KPNA5: variants seen among roughly 807,000 people sequenced by gnomAD.
KPNA5 encodes importin subunit alpha-6.
In KPNA5, 46 loss-of-function variants were observed where a neutral mutation model predicts 71.3. The ratio of observed to expected loss-of-function variants is 0.65; its 90% CI spans 0.51 to 0.83. KPNA5 has a LOEUF of 0.83. Ranked by LOEUF, KPNA5 falls within the 40% of genes least tolerant of loss-of-function variation. KPNA5 has a pLI of 0.00. For missense variants in KPNA5, 547 were observed against 628.3 expected (o/e 0.87, Z 1.38); for synonymous variants, 207 against 201.4 (o/e 1.03, Z -0.24).
chr6:116,732,074 T>TTTTTTATATATATA (rs1463339776), intron 13 of KPNA5, 62 bp from the exon 14 acceptor site: 3 of 66,302 alleles, frequency 4.5e-5, no homozygotes, highest in Non-Finnish European at 9.5e-5. Context: ...AACAGTTTGT[T>TTTTTTATATATATA]TATATATATA....
chr6:116,686,748 A>C (rs1777604525), intron 1 of KPNA5, among the ~76,000 whole-genome samples: 1 of 152,182 alleles, frequency 6.6e-6, no homozygotes, highest in Non-Finnish European at 1.5e-5. Flanking sequence ...AATCTTCTGC[A>C]TGTAGCTAGC....
Position 116,740,305 on chromosome 6 carries a change from C to T in KPNA5, c.*7982C>T, listed in dbSNP as rs1779824890. 1.3e-5 allele frequency: 2 copies of T among 152,180 alleles called. No individual in the cohort carries two copies. Among genetic ancestry groups the T allele is most frequent in the African/African-American group, 2.4e-5 (1 of 41,458 alleles). The allele number at this position is 152,180 out of a possible 1,614,324, so 9.4% of individuals were successfully genotyped here. A position where few individuals can be genotyped will look rare whatever the true frequency, so the allele number is the denominator to read the frequency against. On this transcript the variant is annotated 3_prime_UTR_variant, in exon 14 of 14. Transcript: ENST00000368564. ...AAAACCACAATGAGATACCATCTCA[C>T]ACCAGTCAGAATGGCAATCATTAAA...
chr6:116,692,148 A>G lies in KPNA5; in HGVS notation c.232A>G (p.Ile78Val). 1 of 1,598,142 alleles carries G rather than the reference A, an allele frequency of 6.3e-7. No homozygotes were observed. Among genetic ancestry groups the G allele is most frequent in the Non-Finnish European group, 8.6e-7 (1 of 1,167,512 alleles). The change falls in exon 3 of 14, where the codon ATT becomes GTT. Residue 78 changes from isoleucine (I) to valine (V), a missense_variant. Coordinates refer to ENST00000368564, the MANE Select transcript of KPNA5 (RefSeq NM_001366306.2). ...QDPDISSTVP[I>V]PEEEVVTTDM... is the part of the protein sequence containing the mutation. Reference sequence around the variant, plus strand: ...TCCAGATATTAGTTCCACTGTACCCATTCCAGAGGTATACTTTACCAAAAT... The same window carrying G: ...TCCAGATATTAGTTCCACTGTACCCGTTCCAGAGGTATACTTTACCAAAAT...
chr6:116,701,304 T>C (rs1281023148), intron 5 of KPNA5, among the ~76,000 whole-genome samples: 2 of 152,224 alleles, frequency 1.3e-5, no homozygotes, highest in African/African-American at 4.8e-5. Flanking sequence ...ATTCACTGCT[T>C]AGTTTGCCTG....
At chr6:116,726,864 G>A (rs933422799) in intron 12 of KPNA5, among the ~76,000 whole-genome samples, 5 of 151,754 alleles carry the variant, frequency 3.3e-5, no homozygotes, top group African/African-American at 1.2e-4. Context: ...AAATCCAAAC[G>A]GGAACGGTCT....
At chr6:116,704,955 GT>G (rs369745097) in intron 6 of KPNA5, 116 bp from the exon 7 acceptor site, 214 of 616,036 alleles carry the variant, frequency 3.5e-4, no homozygotes, top group East Asian at 5.3e-4. Flanking sequence ...CTTTTCTACT[GT>G]TTTTTTTTAA....
At position 116,703,299 on chromosome 6, in the gene KPNA5, G is replaced by A. The variant is rs182398127; in HGVS notation, c.567+1149G>A. Among the ~76,000 whole-genome samples the A allele has an allele frequency of 6.1e-5, 9 of 147,314 alleles. No individual in the cohort carries two copies. The South Asian group carries it at 8.5e-4, about 14-fold the overall frequency. Reference sequence around the variant, plus strand: ...TTTTTTGAGATGAAGTCTTGCTCTCGTCCCCCACGCTGGAATGCAATGGCG... The same window carrying A: ...TTTTTTGAGATGAAGTCTTGCTCTCATCCCCCACGCTGGAATGCAATGGCG... On this transcript the variant is annotated intron_variant, in intron 6 of 13. Transcript: ENST00000368564.
intron 5 of KPNA5, 29 bp downstream of exon 5, chr6:116,698,827 T>A: frequency 7.6e-7 from 1 of 1,313,334 alleles, no homozygotes; most frequent in South Asian, 1.4e-5. Flanking sequence ...TTCTTAATTT[T>A]TCTCTAGAAA....
chr6:116,732,921 CAG>C lies in KPNA5; in HGVS notation c.*600_*601del, dbSNP rs1278503635. ...AAACCTATAAAATTTATTTATAAAA[CAG>C]AAGAAATATTATACTGATAATCCAT... On this transcript the variant is annotated 3_prime_UTR_variant, in exon 14 of 14. Transcript: ENST00000368564. 5.3e-5 allele frequency: 8 copies of C among 151,688 alleles called. No individual in the cohort carries two copies. The highest frequency in any genetic ancestry group is 9.7e-5 in the African/African-American group (4 of 41,360). 9.4% of individuals were successfully genotyped at this position (151,688 alleles called of 1,614,324 possible). A position where few individuals can be genotyped will look rare whatever the true frequency, so the allele number is the denominator to read the frequency against.
In KPNA5 at chr6:116,739,508, C is replaced by T. The variant is rs1316735686; in HGVS notation, c.*7185C>T. 2.0e-5 allele frequency: 3 copies of T among 152,134 alleles called. No individual in the cohort carries two copies. The highest frequency in any genetic ancestry group is 7.2e-5 in the African/African-American group (3 of 41,434). The allele number at this position is 152,134 out of a possible 1,614,324, so 9.4% of individuals were successfully genotyped here. ...AATTGCAAAAAACTACTTTAAAGTTCATATGGAACCAAAAAAGAGCCCGCA... is the reference window on the plus strand; with the variant it reads ...AATTGCAAAAAACTACTTTAAAGTTTATATGGAACCAAAAAAGAGCCCGCA... On this transcript the variant is annotated 3_prime_UTR_variant, in exon 14 of 14. Transcript: ENST00000368564.
chr6:116,706,236 G>C (rs574777889), intron 7 of KPNA5, among the ~76,000 whole-genome samples: 67 of 152,210 alleles, frequency 4.4e-4, no homozygotes, highest in African/African-American at 1.4e-3. Flanking sequence ...TTTATTATTT[G>C]TTAATATCTC....
rs544668476 is a variant in KPNA5, at chr6:116,714,511, C to T, written c.657-1708C>T. On this transcript the variant is annotated intron_variant, in intron 7 of 13. Transcript: ENST00000368564. ...CCTAAAGGAAAACTAGAAGTAAAAG[C>T]GTAGGTCTCTTCATGTTTTTTCTGA... is the stretch of plus-strand genomic sequence containing the variant. Among the ~76,000 whole-genome samples, 180 of 152,214 alleles carry T rather than the reference C, an allele frequency of 1.2e-3. 1 individual carries two copies. Among genetic ancestry groups the T allele is most frequent in the African/African-American group, 4.1e-3 (171 of 41,542 alleles).
At chr6:116,702,261 C>A in intron 6 of KPNA5, 111 bp downstream of exon 6, 1 of 1,097,954 alleles carries the variant, frequency 9.1e-7, no homozygotes, top group Non-Finnish European at 1.3e-6. Flanking sequence ...CTGTATATTG[C>A]ATTAAATTGT....
intron 8 of KPNA5, among the ~76,000 whole-genome samples, chr6:116,720,538 T>C (rs768220210): frequency 2.6e-5 from 4 of 152,196 alleles, no homozygotes; most frequent in Non-Finnish European, 4.4e-5. Flanking sequence ...TTTTTAAACA[T>C]ACTTTATATT....
rs1384316353 is a variant in KPNA5, at chr6:116,702,036, A to G, written c.453A>G (p.Ala151=). Residue 151 remains alanine, a synonymous_variant, in exon 6 of 14, where the codon GCA becomes GCG. Coordinates refer to ENST00000368564, the MANE Select transcript of KPNA5 (RefSeq NM_001366306.2). The part of the protein sequence containing the change: ...NCTLQFEAAW[A]LTNIASGTFL... The stretch of plus-strand genomic sequence containing the variant: ...CTTCTTAGTTTGAAGCTGCATGGGC[A>G]TTAACAAATATAGCATCTGGAACTT... 2 of 1,612,800 alleles carry G rather than the reference A, an allele frequency of 1.2e-6. No individual in the cohort carries two copies. The highest frequency in any genetic ancestry group is 1.7e-6 in the Non-Finnish European group (2 of 1,179,638).
Position 116,733,430 on chromosome 6 carries a change from G to C in KPNA5, c.*1107G>C, listed in dbSNP as rs555457991. 1 of 151,600 alleles carries C rather than the reference G, an allele frequency of 6.6e-6. No individual in the cohort carries two copies. Among genetic ancestry groups the C allele is most frequent in the South Asian group, 2.1e-4 (1 of 4,826 alleles). The allele number at this position is 151,600 out of a possible 1,614,324, so 9.4% of individuals were successfully genotyped here. A position where few individuals can be genotyped will look rare whatever the true frequency, so the allele number is the denominator to read the frequency against. On this transcript the variant is annotated 3_prime_UTR_variant, in exon 14 of 14. Transcript: ENST00000368564. ...TCTTTAATATGGTTCAAATCTATAA[G>C]ACTTTTTTCTTTTAGTAATACTCAG...
rs1380124288 is a variant in KPNA5 at position 116,702,144 on chromosome 6, G to A, written c.561G>A (p.Gln187=). The A allele has an allele frequency of 1.2e-6, 2 of 1,613,276 alleles. No individual in the cohort carries two copies. Among genetic ancestry groups the A allele is most frequent in the East Asian group, 4.5e-5 (2 of 44,806 alleles). ...KLLNSEHEDV[Q]EQAVWALGNI... ...TTAATTCTGAACATGAAGATGTTCA[G>A]GAACAGGTACGTCTCTAATTTGTAT... The change falls in exon 6 of 14, where the codon CAG becomes CAA. Residue 187 remains glutamine, a synonymous_variant. Transcript: ENST00000368564.
Position 116,725,884 on chromosome 6 carries a change from C to T in KPNA5, c.1125+8C>T. 2 of 1,610,866 alleles carry T rather than the reference C, an allele frequency of 1.2e-6. No homozygotes were observed. The highest frequency in any genetic ancestry group is 1.3e-5 in the African/African-American group (1 of 74,844). ...AATAGAGCTCAGATTCAGGTAACTA[C>T]CCTTCAGATCTGAGAGTAGAACAGC... On this transcript the variant is annotated splice_region_variant and intron_variant, in intron 11 of 13. Coordinates refer to ENST00000368564, the MANE Select transcript of KPNA5 (RefSeq NM_001366306.2).
intron 5 of KPNA5, among the ~76,000 whole-genome samples, chr6:116,699,281 T>C (rs970902273): frequency 6.6e-6 from 1 of 152,116 alleles, no homozygotes; most frequent in Admixed American, 6.5e-5. Flanking sequence ...AACCATGATA[T>C]AGTTACAATT....
Sources: gnomAD v4.1 joint callset for allele counts (sites outside exome capture counted in the v4.1 genomes callset) on GRCh38, gnomAD v4.1.1 for gene constraint, MANE v1.5 for transcripts, NCBI Gene and HGNC (gene_info 2026-07-23, HGNC 2026-07-21) for gene names.